Variants in GRID1 observed in about 807,000 individuals in gnomAD.
GRID1 encodes glutamate ionotropic receptor delta type subunit 1, also known as glutamate receptor ionotropic, delta-1.
A neutral mutation model predicts 98.0 loss-of-function variants in GRID1; 28 were observed. The ratio of observed to expected loss-of-function variants is 0.29; its 90% CI spans 0.21 to 0.39. GRID1 has a LOEUF of 0.39. Ranked by LOEUF, GRID1 falls within the 10% of genes least tolerant of loss-of-function variation. The pLI, the probability that GRID1 is intolerant of heterozygous loss-of-function variation, is 1.00. For missense variants in GRID1, 1,111 were observed against 1,340.5 expected, an observed-to-expected ratio of 0.83 and a Z score of 2.67; for synonymous variants, 553 against 538.5, an observed-to-expected ratio of 1.03 and a Z score of -0.37.
At chr10:85,944,826 T>C (rs1842035754) in intron 4 of GRID1, among the ~76,000 whole-genome samples, 1 of 152,188 alleles carries the variant, frequency 6.6e-6, no homozygotes, top group Non-Finnish European at 1.5e-5. Flanking sequence ...GTAGAGTTTT[T>C]TTTTTAAGTA....
At chr10:85,928,780 A>G (rs17105979) in intron 4 of GRID1, among the ~76,000 whole-genome samples, 24,153 of 152,080 alleles carry the variant, frequency 0.16, 2,755 homozygotes, top group African/African-American at 0.32. Flanking sequence ...TGTAAATGTC[A>G]TGTTACTGGA....
chr10:85,805,357 A>C (rs77954008), intron 8 of GRID1, among the ~76,000 whole-genome samples: 2,480 of 151,896 alleles, frequency 0.016, 67 homozygotes, highest in African/African-American at 0.056. Flanking sequence ...ATAAAACCTA[A>C]ATAAATGAAA....
intron 2 of GRID1, among the ~76,000 whole-genome samples, chr10:86,332,131 G>T (rs143590585): frequency 3.9e-5 from 6 of 152,354 alleles, no homozygotes; most frequent in Non-Finnish European, 7.4e-5. Flanking sequence ...AGGTCATGCA[G>T]CTGGCCAATG....
intron 4 of GRID1, among the ~76,000 whole-genome samples, chr10:86,066,074 C>T (rs989556317): frequency 1.3e-5 from 2 of 152,220 alleles, no homozygotes; most frequent in African/African-American, 4.8e-5. Context: ...ATTGACAGAA[C>T]ATTCTGAAAA....
In GRID1 at chr10:86,354,754, C is replaced by A. The variant is rs560028118; in HGVS notation, c.235+9187G>T. Among the ~76,000 whole-genome samples, 7 of 152,336 alleles carry A rather than the reference C, an allele frequency of 4.6e-5. No homozygotes were observed. The South Asian group carries it at 1.4e-3, about 32-fold the overall frequency. ...CAGGGGCAGGCCAGTGGGATTCTGG[C>A]CACTCTATGCACTCAGAGCAGACAA... On this transcript the variant is annotated intron_variant, in intron 2 of 15. Coordinates refer to ENST00000327946, the MANE Select transcript of GRID1 (RefSeq NM_017551.3).
At chr10:85,606,335 T>G (rs1281109407) in intron 15 of GRID1, 1 of 152,206 alleles carries the variant, frequency 6.6e-6, no homozygotes, top group African/African-American at 2.4e-5. Context: ...CCTTCCCAAC[T>G]GCTTATTAAG....
At chr10:85,822,007 C>A (rs1432219583) in intron 8 of GRID1, among the ~76,000 whole-genome samples, 1 of 152,124 alleles carries the variant, frequency 6.6e-6, no homozygotes, top group East Asian at 1.9e-4. Context: ...AAACTGGATC[C>A]CTTCCTTACA....
At chr10:85,819,496 A>G (rs1842743463) in intron 8 of GRID1, among the ~76,000 whole-genome samples, 1 of 152,118 alleles carries the variant, frequency 6.6e-6, no homozygotes, top group Non-Finnish European at 1.5e-5. Context: ...CACAGACACC[A>G]CCTTAAACAG....
At chr10:86,298,584 C>T (rs1847629910) in intron 2 of GRID1, among the ~76,000 whole-genome samples, 1 of 152,332 alleles carries the variant, frequency 6.6e-6, no homozygotes, top group Non-Finnish European at 1.5e-5. Flanking sequence ...TACTGTGCTT[C>T]TCCTGGGGTG....
chr10:86,275,931 G>T (rs1847262669), intron 2 of GRID1, among the ~76,000 whole-genome samples: 1 of 152,160 alleles, frequency 6.6e-6, no homozygotes. Context: ...AGAGTTCAGT[G>T]AACTCCAAGT....
Position 85,916,292 on chromosome 10 carries a change from A to T in GRID1, c.727-53T>A. On this transcript the variant is annotated intron_variant, in intron 4 of 15. Coordinates refer to ENST00000327946, the MANE Select transcript of GRID1 (RefSeq NM_017551.3). The surrounding 1 kb of genome is among the most constrained non-coding windows in gnomAD (Gnocchi z 4.0). Reference sequence around the variant, plus strand: ...ACAGAAGCAAGACAGAAGCTGGCAGACACAGGATGATTGCCGAGACAGAGT... The same window carrying T: ...ACAGAAGCAAGACAGAAGCTGGCAGTCACAGGATGATTGCCGAGACAGAGT... 1.6e-6 allele frequency: 2 copies of T among 1,265,916 alleles called. No homozygotes were observed. The highest frequency in any genetic ancestry group is 2.3e-6 in the Non-Finnish European group (2 of 863,232). 78.4% of individuals were successfully genotyped at this position (1,265,916 alleles called of 1,614,324 possible). A position where few individuals can be genotyped will look rare whatever the true frequency, so the allele number is the denominator to read the frequency against.
At chr10:86,224,075 G>A (rs1243533880) in intron 2 of GRID1, among the ~76,000 whole-genome samples, 1 of 152,172 alleles carries the variant, frequency 6.6e-6, no homozygotes, top group Non-Finnish European at 1.5e-5. Context: ...AACCTTCCTG[G>A]GATGCCAGGC....
rs561432130 is a variant in GRID1, at chr10:85,821,913, C to T, written c.1233+32583G>A. Among the ~76,000 whole-genome samples the T allele has an allele frequency of 1.1e-4, 17 of 152,114 alleles. No homozygotes were observed. The South Asian group carries it at 3.5e-3, about 32-fold the overall frequency. ...CTACAACCATCTGATCTTTGACAAACCTGACAAAAACAAGAAATGGGGAAA... is the reference window on the plus strand; with the variant it reads ...CTACAACCATCTGATCTTTGACAAATCTGACAAAAACAAGAAATGGGGAAA... On this transcript the variant is annotated intron_variant, in intron 8 of 15. Transcript: ENST00000327946.
At chr10:85,774,246 TG>T (rs1187038555) in intron 8 of GRID1, among the ~76,000 whole-genome samples, 1 of 152,240 alleles carries the variant, frequency 6.6e-6, no homozygotes, top group East Asian at 1.9e-4. Flanking sequence ...ATTTAATAAA[TG>T]GTGCTGGGAA....
intron 3 of GRID1, among the ~76,000 whole-genome samples, chr10:86,147,992 G>A (rs947017588): frequency 3.3e-5 from 5 of 152,168 alleles, no homozygotes; most frequent in Non-Finnish European, 4.4e-5. Context: ...AAGCACAGCC[G>A]ACTCTTGACC....
chr10:86,077,307 T>G (rs142182816), intron 4 of GRID1, among the ~76,000 whole-genome samples: 2 of 152,168 alleles, frequency 1.3e-5, no homozygotes. Flanking sequence ...AAGCCTCAAC[T>G]CCTCAGGACA....
In GRID1 at chr10:86,043,750, C is replaced by T. The variant is rs116412375; in HGVS notation, c.726+95069G>A. Among the ~76,000 whole-genome samples, 793 of 152,356 alleles carry T rather than the reference C, an allele frequency of 5.2e-3. 10 individuals carry two copies. The highest frequency in any genetic ancestry group is 0.018 in the African/African-American group (756 of 41,574). On this transcript the variant is annotated intron_variant, in intron 4 of 15. Transcript: ENST00000327946. The stretch of plus-strand genomic sequence containing the variant: ...CTTTAACAAATACAGTTTCTTCTCA[C>T]ATCCTCCATTTGTTTCCCAAATGTC...
At chr10:86,188,371 A>G (rs2057644295) in intron 3 of GRID1, among the ~76,000 whole-genome samples, 1 of 152,114 alleles carries the variant, frequency 6.6e-6, no homozygotes, top group Non-Finnish European at 1.5e-5. Context: ...TCCCCAACAA[A>G]CCAGGCCAGA....
intron 12 of GRID1, among the ~76,000 whole-genome samples, chr10:85,659,608 G>A (rs2132567813): frequency 1.3e-5 from 2 of 152,338 alleles, no homozygotes; most frequent in East Asian, 1.9e-4. Context: ...AAAACCAGCT[G>A]TAATTAAATG....
Sources: allele counts gnomAD v4.1 joint callset (sites outside exome capture counted in the v4.1 genomes callset), GRCh38; gene constraint gnomAD v4.1.1; non-coding constraint Gnocchi (gnomAD v3.1); transcripts MANE v1.5; gene names NCBI Gene and HGNC (gene_info 2026-07-23, HGNC 2026-07-21).